The following KCNG2 variants were observed in gnomAD, a reference collection of about 807,000 sequenced individuals.
The protein encoded by KCNG2 is potassium voltage-gated channel modifier subfamily G member 2, also known as voltage-gated potassium channel regulatory subunit KCNG2.
A neutral mutation model predicts 12.3 loss-of-function variants in KCNG2; 7 were observed. The ratio of observed to expected loss-of-function variants is 0.57; its 90% CI spans 0.32 to 1.07. The LOEUF is 1.07. Among genes scored for constraint, KCNG2 ranks in the 50% least tolerant of loss-of-function variants. KCNG2 has a pLI of 0.04. For synonymous variants in KCNG2, 414 were observed against 351.4 expected, an observed-to-expected ratio of 1.18 and a Z score of -1.99; for missense variants, 703 against 726.0, an observed-to-expected ratio of 0.97 and a Z score of 0.36.
chr18:79,878,199 T>C (rs1431982399), intron 3 of KCNG2, among the ~76,000 whole-genome samples: 1 of 152,276 alleles, frequency 6.6e-6, no homozygotes, highest in East Asian at 1.9e-4. Context: ...ACACATTTTC[T>C]AGTTGAGACT....
chr18:79,821,098 C>T lies in KCNG2; in HGVS notation c.-115+23084C>T, dbSNP rs540611955. ...GCTTTCATTTTGTTGATAGTGTCCT[C>T]GGATGCACAGAAGTTTTTAATTTGA... On this transcript the variant is annotated intron_variant, in intron 1 of 3. Coordinates refer to ENST00000316249, the MANE Select transcript of KCNG2 (RefSeq NM_012283.2). 1.1e-4 allele frequency among the ~76,000 whole-genome samples: 16 copies of T among 152,250 alleles called. No homozygotes were observed. In the East Asian group the frequency reaches 1.4e-3, roughly 13 times the overall value.
At chr18:79,812,448 T>C (rs542417962) in intron 1 of KCNG2, among the ~76,000 whole-genome samples, 1 of 152,286 alleles carries the variant, frequency 6.6e-6, no homozygotes, top group East Asian at 1.9e-4. Context: ...TAAAGAAGAA[T>C]TCATTCTACC....
chr18:79,810,798 A>G (rs1002249529), intron 1 of KCNG2, among the ~76,000 whole-genome samples: 4 of 152,178 alleles, frequency 2.6e-5, no homozygotes, highest in Admixed American at 1.3e-4. Flanking sequence ...GTAGAAAAAA[A>G]CTAGAAGTAA....
At chr18:79,853,107 T>A (rs1978883466) in intron 1 of KCNG2, among the ~76,000 whole-genome samples, 1 of 152,192 alleles carries the variant, frequency 6.6e-6, no homozygotes, top group Non-Finnish European at 1.5e-5. Flanking sequence ...CCTGGTCACT[T>A]GTGTGTGCCC....
At chr18:79,825,736 C>T (rs146912943) in intron 1 of KCNG2, among the ~76,000 whole-genome samples, 33 of 152,348 alleles carry the variant, frequency 2.2e-4, no homozygotes, top group African/African-American at 7.2e-4. Flanking sequence ...ATGTGATTTT[C>T]CCTCTAAAAT....
rs1406489491 is a variant in KCNG2, at chr18:79,803,956, T to A, written c.-115+5942T>A. ...CACTCCTATCTCACCTTCAGGGAGCTCTAGCCTGCAGCAGGCCCGTCCTTT... is the reference window on the plus strand; with the variant it reads ...CACTCCTATCTCACCTTCAGGGAGCACTAGCCTGCAGCAGGCCCGTCCTTT... On this transcript the variant is annotated intron_variant, in intron 1 of 3. Coordinates refer to ENST00000316249, the MANE Select transcript of KCNG2 (RefSeq NM_012283.2). The surrounding 1 kb of genome is among the most constrained non-coding windows in gnomAD (Gnocchi z 4.5). Among the ~76,000 whole-genome samples, 1 of 152,212 alleles carries A rather than the reference T, an allele frequency of 6.6e-6. No individual in the cohort carries two copies. The highest frequency in any genetic ancestry group is 1.5e-5 in the Non-Finnish European group (1 of 68,032).
intron 1 of KCNG2, among the ~76,000 whole-genome samples, chr18:79,852,189 G>T (rs1335723806): frequency 2.0e-5 from 3 of 152,198 alleles, no homozygotes; most frequent in African/African-American, 7.2e-5. Flanking sequence ...ACTACCGCCA[G>T]CAGGGTCCCC....
rs757310040 is a variant in KCNG2, at chr18:79,800,692, C to A, written c.-115+2678C>A. 1.6e-4 allele frequency among the ~76,000 whole-genome samples: 24 copies of A among 152,324 alleles called. No homozygotes were observed. The highest frequency in any genetic ancestry group is 3.2e-4 in the Non-Finnish European group (22 of 68,044). On this transcript the variant is annotated intron_variant, in intron 1 of 3. Transcript: ENST00000316249. This position sits in a 1 kb window ranked among gnomAD's most constrained non-coding sequence, Gnocchi z 4.0. ...CTCAGCAGTTCCTTCCCCGGGCGGG[C>A]GGCGCTGAGCAGACGGGAGGTGGGC...
rs143557627 is a variant in KCNG2 at position 79,899,523 on chromosome 18, G to A, written c.1108G>A (p.Val370Met). Reference protein sequence around the residue: ...YWWAVISMTTVGYGDMVPRSL... With the variant: ...YWWAVISMTTMGYGDMVPRSL... ...GTGGGCCGTCATCTCCATGACCACC[G>A]TGGGCTACGGCGACATGGTCCCGCG... is the stretch of plus-strand genomic sequence containing the variant. Residue 370 changes from valine (V) to methionine (M), a missense_variant, in exon 4 of 4, where the codon GTG becomes ATG. By Grantham distance (21) the Val-to-Met change is conservative. Transcript: ENST00000316249. 3.7e-6 allele frequency: 6 copies of A among 1,606,582 alleles called. No individual in the cohort carries two copies. Among genetic ancestry groups the A allele is most frequent in the African/African-American group, 1.4e-5 (1 of 73,914 alleles).
At chr18:79,828,010 G>C (rs142490340) in intron 1 of KCNG2, among the ~76,000 whole-genome samples, 1,509 of 147,736 alleles carry the variant, frequency 0.01, 19 homozygotes, top group Non-Finnish European at 0.017. Context: ...TGCAACCTCT[G>C]CCTCCCTGGT....
intron 1 of KCNG2, among the ~76,000 whole-genome samples, chr18:79,852,455 G>C (rs567968053): frequency 1.3e-5 from 2 of 152,366 alleles, no homozygotes; most frequent in South Asian, 4.1e-4. Flanking sequence ...GTGCATAAGC[G>C]ATTTCGACTT....
In KCNG2 at chr18:79,824,398, A is replaced by G. The variant is rs576360496; in HGVS notation, c.-115+26384A>G. On this transcript the variant is annotated intron_variant, in intron 1 of 3. Transcript: ENST00000316249. ...TTTTCTGAATTTTTTTATTCAATAA[A>G]TAAGTTTTGTCATTGATTCTCTGGG... Among the ~76,000 whole-genome samples the G allele has an allele frequency of 1.6e-3, 249 of 152,350 alleles. 1 individual carries two copies. The highest frequency in any genetic ancestry group is 5.6e-3 in the African/African-American group (231 of 41,576).
At chr18:79,862,810 C>T (rs1979270217) in intron 2 of KCNG2, among the ~76,000 whole-genome samples, 1 of 152,220 alleles carries the variant, frequency 6.6e-6, no homozygotes, top group Non-Finnish European at 1.5e-5. Context: ...AGTTCCAAGA[C>T]ACCGGAGATG....
At chr18:79,881,985 C>T (rs1282167886) in intron 3 of KCNG2, among the ~76,000 whole-genome samples, 2 of 151,630 alleles carry the variant, frequency 1.3e-5, no homozygotes, top group Non-Finnish European at 3.0e-5. Flanking sequence ...AATGGGGCTA[C>T]AACAACTGAA....
chr18:79,889,465 A>G (rs1980669840), intron 3 of KCNG2, among the ~76,000 whole-genome samples: 1 of 132,014 alleles, frequency 7.6e-6, no homozygotes, highest in African/African-American at 2.5e-5. Flanking sequence ...TCAAAGTGTA[A>G]GTTTTTTTGT....
At chr18:79,848,043 G>A (rs753961303) in intron 1 of KCNG2, among the ~76,000 whole-genome samples, 4 of 152,176 alleles carry the variant, frequency 2.6e-5, no homozygotes, top group East Asian at 1.9e-4. Flanking sequence ...GATGGGGTGC[G>A]GTGCATGGAC....
intron 3 of KCNG2, among the ~76,000 whole-genome samples, chr18:79,888,273 C>G (rs1183370092): frequency 6.6e-6 from 1 of 152,156 alleles, no homozygotes; most frequent in Non-Finnish European, 1.5e-5. Flanking sequence ...GGGGCTTCCA[C>G]CAGCTGTGCC....
At chr18:79,823,085 C>T (rs550584286) in intron 1 of KCNG2, among the ~76,000 whole-genome samples, 1 of 152,272 alleles carries the variant, frequency 6.6e-6, no homozygotes, top group East Asian at 1.9e-4. Context: ...GGCACCTGTG[C>T]ATTTCAGCTG....
chr18:79,821,286 ATTTT>A (rs34251835), intron 1 of KCNG2, among the ~76,000 whole-genome samples: 183 of 101,810 alleles, frequency 1.8e-3, no homozygotes, highest in South Asian at 0.012. Flanking sequence ...TTTTACTTGA[ATTTT>A]TTTTTTTTTT....
Sources: gnomAD v4.1 joint callset for allele counts (sites outside exome capture counted in the v4.1 genomes callset) on GRCh38, gnomAD v4.1.1 for gene constraint, Gnocchi (gnomAD v3.1) non-coding constraint, MANE v1.5 for transcripts, NCBI Gene and HGNC (gene_info 2026-07-23, HGNC 2026-07-21) for gene names.